Variants in EYS observed in about 807,000 individuals in gnomAD.
EYS encodes the protein protein eyes shut homolog.
In EYS, 250 loss-of-function variants were observed where a neutral mutation model predicts 282.1. That is an observed-to-expected ratio of 0.89 (90% CI 0.80 to 0.98). The LOEUF (loss-of-function observed/expected upper bound fraction) is 0.98. Among genes scored for constraint, EYS ranks in the 50% least tolerant of loss-of-function variants. EYS has a pLI of 0.00. For synonymous variants in EYS, 1,355 were observed against 1,282.9 expected (o/e 1.06, Z -1.20); for missense variants, 4,016 against 3,709.0 (o/e 1.08, Z -2.15).
chr6:65,291,995 T>G (rs1469931059), intron 12 of EYS, among the ~76,000 whole-genome samples: 1 of 151,524 alleles, frequency 6.6e-6, no homozygotes, highest in East Asian at 1.9e-4. Context: ...TACATGCAGC[T>G]CCATGAGAGA....
At chr6:65,194,320 T>G (rs1194048970) in intron 12 of EYS, among the ~76,000 whole-genome samples, 1 of 151,938 alleles carries the variant, frequency 6.6e-6, no homozygotes, top group African/African-American at 2.4e-5. Context: ...GGCTCATGAA[T>G]TAGAAAAACG....
At chr6:64,990,415 T>A (rs1771024638) in intron 14 of EYS, among the ~76,000 whole-genome samples, 3 of 151,620 alleles carry the variant, frequency 2.0e-5, no homozygotes. Context: ...AGCTCAGAGA[T>A]GAGTCCCATT....
chr6:65,101,048 C>T (rs1386071352), intron 12 of EYS, among the ~76,000 whole-genome samples: 1 of 150,972 alleles, frequency 6.6e-6, no homozygotes, highest in African/African-American at 2.4e-5. Context: ...AGTTGGGATT[C>T]AAGAATCATT....
chr6:64,092,934 G>A (rs1157267837), intron 31 of EYS, among the ~76,000 whole-genome samples: 1 of 149,988 alleles, frequency 6.7e-6, no homozygotes, highest in African/African-American at 2.4e-5. Flanking sequence ...TTTTGTATAA[G>A]GTGTAAGGAA....
chr6:64,002,185 T>A (rs897781937), intron 33 of EYS, among the ~76,000 whole-genome samples: 49 of 152,130 alleles, frequency 3.2e-4, no homozygotes, highest in African/African-American at 1.2e-3. Flanking sequence ...CTGGGGGCTG[T>A]CAGAGAAGAG....
In EYS at chr6:65,405,349, G is replaced by A; in HGVS notation, c.881C>T (p.Ser294Leu). 6.2e-7 allele frequency: 1 copy of A among 1,608,750 alleles called. No homozygotes were observed. Among genetic ancestry groups the A allele is most frequent in the South Asian group, 1.1e-5 (1 of 90,830 alleles). ...AAGCAGAGAAACACAAGGTTTTGCTGACACCTCACAGAATGGACCTTAAAA... is the reference window on the plus strand; with the variant it reads ...AAGCAGAGAAACACAAGGTTTTGCTAACACCTCACAGAATGGACCTTAAAA... ...EQFSGPFCEV[S>L]AKPCVSLLFW... Residue 294 changes from serine to leucine, a missense_variant, in exon 6 of 43, where the codon TCA (serine) becomes TTA (leucine). Ser to Leu is a moderately radical substitution (Grantham distance 145, BLOSUM62 -2). Transcript: ENST00000503581.
chr6:65,404,655 T>C (rs1366376842), intron 6 of EYS, among the ~76,000 whole-genome samples: 1 of 151,956 alleles, frequency 6.6e-6, no homozygotes, highest in African/African-American at 2.4e-5. Context: ...TATAACTAAT[T>C]CTTCTCAGCA....
chr6:65,350,450 C>A (rs1238144937), intron 9 of EYS, among the ~76,000 whole-genome samples: 1 of 151,276 alleles, frequency 6.6e-6, no homozygotes, highest in East Asian at 1.9e-4. Context: ...TATCAACTCA[C>A]AAATGCAACA....
At chr6:65,265,446 G>A (rs1767728372) in intron 12 of EYS, among the ~76,000 whole-genome samples, 1 of 151,934 alleles carries the variant, frequency 6.6e-6, no homozygotes, top group South Asian at 2.1e-4. Context: ...CTCTGAACGT[G>A]ATTCCTAAGA....
intron 36 of EYS, among the ~76,000 whole-genome samples, chr6:63,844,002 C>T (rs745442568): frequency 1.7e-4 from 26 of 152,290 alleles, no homozygotes; most frequent in Non-Finnish European, 2.8e-4. Context: ...TGATGCTTTC[C>T]CTCAGCCCAC....
Position 65,180,788 on chromosome 6 carries a change from C to G in EYS, c.2023+115075G>C, listed in dbSNP as rs548992769. ...AAAAGAACAAAGCTGGAGGCATCAC[C>G]CTACCTGACTTCAAACTATACTACA... On this transcript the variant is annotated intron_variant, in intron 12 of 42. Coordinates refer to ENST00000503581, the MANE Select transcript of EYS (RefSeq NM_001142800.2). Among the ~76,000 whole-genome samples, 1,252 of 151,756 alleles carry G rather than the reference C, an allele frequency of 8.3e-3. 7 individuals are homozygous for G. Among genetic ancestry groups the G allele is most frequent in the African/African-American group, 0.019 (787 of 41,442 alleles).
intron 16 of EYS, among the ~76,000 whole-genome samples, chr6:64,912,003 C>G (rs1042634996): frequency 6.6e-6 from 1 of 152,084 alleles, no homozygotes; most frequent in African/African-American, 2.4e-5. Context: ...TAGGATTTCT[C>G]TCTTGAGACA....
intron 2 of EYS, among the ~76,000 whole-genome samples, chr6:65,499,108 T>C (rs1238425876): frequency 6.6e-6 from 1 of 152,058 alleles, no homozygotes; most frequent in Non-Finnish European, 1.5e-5. Context: ...CAGAACTGTA[T>C]GAACTGTATC....
At chr6:65,084,895 A>G (rs925403367) in intron 12 of EYS, among the ~76,000 whole-genome samples, 2 of 152,242 alleles carry the variant, frequency 1.3e-5, no homozygotes, top group Non-Finnish European at 2.9e-5. Context: ...GGAATAAGAA[A>G]GAGGGTGTGT....
rs5876919 is a variant in EYS at position 64,740,715 on chromosome 6, C to CT, written c.3443+72662dup. On this transcript the variant is annotated intron_variant, in intron 22 of 42. Transcript: ENST00000503581. ...AGTCTGTCCAGAAAGAATATGTCCA[C>CT]TTTTTTTTTTTTTTTTTTTACTGAG... Among the ~76,000 whole-genome samples, 396 of 127,872 alleles carry CT rather than the reference C, an allele frequency of 3.1e-3. 2 individuals are homozygous for CT. Among genetic ancestry groups the CT allele is most frequent in the African/African-American group, 0.011 (369 of 34,270 alleles). 83.9% of individuals were successfully genotyped at this position (127,872 alleles called of 152,430 possible).
intron 26 of EYS, among the ~76,000 whole-genome samples, chr6:64,451,694 G>C (rs1775352034): frequency 2.0e-5 from 3 of 152,168 alleles, no homozygotes; most frequent in Admixed American, 6.5e-5. Context: ...GGGATGCAAG[G>C]CTGGTTCAAC....
intron 26 of EYS, among the ~76,000 whole-genome samples, chr6:64,444,386 A>G (rs1472877169): frequency 1.3e-5 from 2 of 152,128 alleles, no homozygotes; most frequent in African/African-American, 4.8e-5. Context: ...ATTTTTCACA[A>G]CATTTCGAAG....
At chr6:64,008,813 G>A (rs1194968655) in intron 33 of EYS, among the ~76,000 whole-genome samples, 1 of 152,166 alleles carries the variant, frequency 6.6e-6, no homozygotes, top group Non-Finnish European at 1.5e-5. Context: ...CTTGCTTTTA[G>A]GGTTTCTGCT....
At chr6:63,993,144 T>A (rs1457328999) in intron 34 of EYS, among the ~76,000 whole-genome samples, 3 of 151,684 alleles carry the variant, frequency 2.0e-5, no homozygotes, top group African/African-American at 7.3e-5. Context: ...AACTCTTTCA[T>A]GAAAAAATAC....
Sources: allele counts gnomAD v4.1 joint callset (sites outside exome capture counted in the v4.1 genomes callset), GRCh38; gene constraint gnomAD v4.1.1; transcripts MANE v1.5; gene names NCBI Gene and HGNC (gene_info 2026-07-23, HGNC 2026-07-21).